Variants in TTYH2 observed in about 807,000 individuals in gnomAD.
TTYH2 encodes protein tweety homolog 2.
A neutral mutation model predicts 68.3 loss-of-function variants in TTYH2; 49 were observed. That is an observed-to-expected ratio of 0.72 (90% CI 0.57 to 0.91). The LOEUF is 0.91. Among genes scored for constraint, TTYH2 ranks in the 40% least tolerant of loss-of-function variants. The probability of loss-of-function intolerance (pLI) is 0.00; values close to 1 mark genes in which losing one functional copy is unlikely to be tolerated. For synonymous variants in TTYH2, 272 were observed against 300.8 expected, an observed-to-expected ratio of 0.90 and a Z score of 0.99; for missense variants, 631 against 700.4, an observed-to-expected ratio of 0.90 and a Z score of 1.12.
At position 74,232,158 on chromosome 17, in the gene TTYH2, CA is replaced by C. The variant is rs2050395798; in HGVS notation, c.414+1160del. Among the ~76,000 whole-genome samples the C allele has an allele frequency of 6.6e-6, 1 of 152,222 alleles. No individual in the cohort carries two copies. The highest frequency in any genetic ancestry group is 1.5e-5 in the Non-Finnish European group (1 of 68,026). ...TCCAGCCCCAACAGGAGAATTTGGC[CA>C]TTGCCCCGGCATCCTCCAGAAGAGG... On this transcript the variant is annotated intron_variant, in intron 3 of 13. Transcript: ENST00000269346. The surrounding 1 kb of genome is among the most constrained non-coding windows in gnomAD (Gnocchi z 5.1).
chr17:74,221,867 T>A (rs2050278755), intron 1 of TTYH2, among the ~76,000 whole-genome samples: 1 of 152,092 alleles, frequency 6.6e-6, no homozygotes, highest in African/African-American at 2.4e-5. Context: ...CCCCCAAGCA[T>A]GGAGCTGGCT....
At chr17:74,254,464 G>A (rs756710172) in intron 13 of TTYH2, among the ~76,000 whole-genome samples, 19 of 152,248 alleles carry the variant, frequency 1.2e-4, no homozygotes, top group East Asian at 3.9e-4. Context: ...CACCGCGCCC[G>A]GCCAGCTAAT....
chr17:74,213,780 C>G lies in TTYH2; in HGVS notation c.129+64C>G. 1 of 1,565,954 alleles carries G rather than the reference C, an allele frequency of 6.4e-7. No homozygotes were observed. Among genetic ancestry groups the G allele is most frequent in the South Asian group, 1.2e-5 (1 of 86,274 alleles). On this transcript the variant is annotated intron_variant, in intron 1 of 13. Transcript: ENST00000269346. The surrounding 1 kb of genome is among the most constrained non-coding windows in gnomAD (Gnocchi z 6.1). ...CCAAGTCCCCGCACTACCCCCTCTC[C>G]CCTCGAGAGCCTGCACTTTCCCACG... is the stretch of plus-strand genomic sequence containing the variant.
chr17:74,223,327 A>G (rs2050297950), intron 2 of TTYH2, among the ~76,000 whole-genome samples: 2 of 151,670 alleles, frequency 1.3e-5, no homozygotes, highest in South Asian at 2.1e-4. Context: ...GCTTTCATCA[A>G]GTTCCCCAGG....
chr17:74,213,649 C>T lies in TTYH2; in HGVS notation c.62C>T (p.Pro21Leu), dbSNP rs780274741. ...PWWVVWLHSV[P>L]HVGLRLQPVN... Reference sequence around the variant, plus strand: ...TGGGTCGTGTGGCTGCACAGCGTCCCGCACGTCGGCCTGCGCCTGCAGCCC... The same window carrying T: ...TGGGTCGTGTGGCTGCACAGCGTCCTGCACGTCGGCCTGCGCCTGCAGCCC... The change falls in exon 1 of 14, where the codon CCG becomes CTG. Residue 21 changes from proline to leucine, a missense_variant. By Grantham distance (98) the Pro-to-Leu change is moderately conservative (BLOSUM62 -3). Coordinates refer to ENST00000269346, the MANE Select transcript of TTYH2 (RefSeq NM_032646.6). This position sits in a 1 kb window ranked among gnomAD's most constrained non-coding sequence, Gnocchi z 6.1. 3 of 1,612,184 alleles carry T rather than the reference C, an allele frequency of 1.9e-6. No individual in the cohort carries two copies. Among genetic ancestry groups the T allele is most frequent in the South Asian group, 2.2e-5 (2 of 90,996 alleles).
chr17:74,237,912 C>T (rs930564898), intron 4 of TTYH2, among the ~76,000 whole-genome samples: 8 of 152,146 alleles, frequency 5.3e-5, no homozygotes, highest in African/African-American at 9.7e-5. Context: ...GGATTACAGG[C>T]GTGAGCCACC....
chr17:74,235,754 G>A (rs764875768), intron 3 of TTYH2, among the ~76,000 whole-genome samples: 1 of 152,068 alleles, frequency 6.6e-6, no homozygotes, highest in Non-Finnish European at 1.5e-5. Context: ...GCCGGGCATG[G>A]TGGTGCACAC....
At chr17:74,236,779 A>G (rs6501704) in intron 3 of TTYH2, among the ~76,000 whole-genome samples, 67,489 of 151,928 alleles carry the variant, frequency 0.44, 16,309 homozygotes, top group African/African-American at 0.64. Context: ...GGACATGAGG[A>G]CTGGGTGGGT....
At chr17:74,250,605 A>G in intron 10 of TTYH2, 1 of 486,502 alleles carries the variant, frequency 2.1e-6, no homozygotes, top group Non-Finnish European at 3.7e-6. Flanking sequence ...GCTCTGGGTC[A>G]CTGGGGGACC....
rs1205315528 is a variant in TTYH2 at position 74,253,606 on chromosome 17, A to T, written c.1446-149A>T. Reference sequence around the variant, plus strand: ...GGCTTCCCAAGGTGCTCTTCTCCATATCTGCCCACTGCACCCCCTCCACTC... The same window carrying T: ...GGCTTCCCAAGGTGCTCTTCTCCATTTCTGCCCACTGCACCCCCTCCACTC... On this transcript the variant is annotated intron_variant, in intron 12 of 13. Transcript: ENST00000269346. 2.0e-5 allele frequency: 15 copies of T among 750,010 alleles called. No individual in the cohort carries two copies. In the Admixed American group the frequency reaches 2.2e-4, roughly 11 times the overall value. 46.5% of individuals were successfully genotyped at this position (750,010 alleles called of 1,614,324 possible).
chr17:74,260,401 C>T lies in TTYH2; in HGVS notation c.*192C>T, dbSNP rs982380629. 1 of 605,590 alleles carries T rather than the reference C, an allele frequency of 1.7e-6. No homozygotes were observed. Among genetic ancestry groups the T allele is most frequent in the East Asian group, 2.8e-5 (1 of 35,108 alleles). The allele number at this position is 605,590 out of a possible 1,614,324, so 37.5% of individuals were successfully genotyped here. On this transcript the variant is annotated 3_prime_UTR_variant, in exon 14 of 14. Transcript: ENST00000269346. Reference sequence around the variant, plus strand: ...AGACTCACCACGCGGGCCAGCCTCTCTCTTTTGCCCTGCTCTCCACACCAG... The same window carrying T: ...AGACTCACCACGCGGGCCAGCCTCTTTCTTTTGCCCTGCTCTCCACACCAG...
At position 74,237,357 on chromosome 17, in the gene TTYH2, A is replaced by G. The variant is rs1428345717; in HGVS notation, c.478A>G (p.Ile160Val). Reference sequence around the variant, plus strand: ...GCAGCACCTGGCCCGGCTCAGTGAGATCTTTGCTGCCCGGGGCGATTACCT... The same window carrying G: ...GCAGCACCTGGCCCGGCTCAGTGAGGTCTTTGCTGCCCGGGGCGATTACCT... Reference protein sequence around the residue: ...LEQHLARLSEIFAARGDYLQT... With the variant: ...LEQHLARLSEVFAARGDYLQT... Residue 160 changes from isoleucine (I) to valine (V), a missense_variant, in exon 4 of 14, where the codon ATC (isoleucine) becomes GTC (valine). Transcript: ENST00000269346. 1.9e-6 allele frequency: 3 copies of G among 1,614,066 alleles called. No homozygotes were observed. Among genetic ancestry groups the G allele is most frequent in the Admixed American group, 3.3e-5 (2 of 60,020 alleles).
At chr17:74,249,244 G>C in intron 7 of TTYH2, 100 bp from the exon 8 acceptor site, 1 of 1,567,828 alleles carries the variant, frequency 6.4e-7, no homozygotes, top group Non-Finnish European at 8.8e-7. Context: ...TCCCTTGGGA[G>C]CTCAGGGACG....
At chr17:74,256,320 G>T (rs1361192633) in intron 13 of TTYH2, among the ~76,000 whole-genome samples, 1 of 152,154 alleles carries the variant, frequency 6.6e-6, no homozygotes, top group African/African-American at 2.4e-5. Flanking sequence ...GGCTGGGGAT[G>T]GGGGCTGGAT....
At chr17:74,237,537 A>AG (rs2050456442) in intron 4 of TTYH2, 23 bp downstream of exon 4, 7 of 1,580,194 alleles carry the variant, frequency 4.4e-6, no homozygotes, top group East Asian at 2.3e-5. Context: ...TGGGAGGCAG[A>AG]GGGAGGGGCA....
At chr17:74,221,882 G>A (rs79787107) in intron 1 of TTYH2, among the ~76,000 whole-genome samples, 2 of 152,068 alleles carry the variant, frequency 1.3e-5, no homozygotes, top group Admixed American at 6.6e-5. Context: ...CTGGCTTCTC[G>A]ATTCTCAGGA....
intron 10 of TTYH2, chr17:74,250,793 A>G (rs1230165095): frequency 1.3e-5 from 2 of 155,564 alleles, no homozygotes; most frequent in Admixed American, 6.4e-5. Context: ...AGCACGTGAG[A>G]GCCCCCCACC....
At chr17:74,249,814 G>A (rs1112216) in intron 8 of TTYH2, 122 bp from the exon 9 acceptor site, 424,303 of 1,139,410 alleles carry the variant, frequency 0.37, 80,295 homozygotes, top group African/African-American at 0.49. Context: ...GCCAGGTGGG[G>A]GGGTGGGAGG....
Position 74,253,772 on chromosome 17 carries a change from T to C in TTYH2, c.1463T>C (p.Phe488Ser). 6.2e-7 allele frequency: 1 copy of C among 1,614,150 alleles called. No homozygotes were observed. The highest frequency in any genetic ancestry group is 8.5e-7 in the Non-Finnish European group (1 of 1,180,004). The change falls in exon 13 of 14, where the codon TTT becomes TCT. Residue 488 changes from phenylalanine to serine, a missense_variant. Transcript: ENST00000269346. ...CCCCGCAGGAACCAAGCCATGCTCT[T>C]TGGTAGGAACCCACGCTACGAGAAC... is the stretch of plus-strand genomic sequence containing the variant. The part of the protein sequence containing the change: ...VSEYMNQAML[F>S]GRNPRYENVP...
Sources: gnomAD v4.1 joint callset for allele counts (sites outside exome capture counted in the v4.1 genomes callset) on GRCh38, gnomAD v4.1.1 for gene constraint, Gnocchi (gnomAD v3.1) non-coding constraint, MANE v1.5 for transcripts, NCBI Gene and HGNC (gene_info 2026-07-23, HGNC 2026-07-21) for gene names.